The following CSMD1 variants were observed in gnomAD, a reference collection of about 807,000 sequenced individuals.
The protein encoded by CSMD1 is CUB and sushi domain-containing protein 1.
A neutral mutation model predicts 417.5 loss-of-function variants in CSMD1; 213 were observed. That is an observed-to-expected ratio of 0.51 (90% CI 0.46 to 0.57). CSMD1 has a LOEUF of 0.57. Among genes scored for constraint, CSMD1 ranks in the 20% least tolerant of loss-of-function variants. CSMD1 has a pLI of 0.00. For synonymous variants in CSMD1, 2,862 were observed against 1,736.8 expected, an observed-to-expected ratio of 1.65 and a Z score of -16.11; for missense variants, 6,923 against 4,529.7, an observed-to-expected ratio of 1.53 and a Z score of -15.17.
intron 29 of CSMD1, 37 bp from the exon 30 acceptor site, chr8:3,214,728 G>T: frequency 1.3e-6 from 2 of 1,486,350 alleles, no homozygotes; most frequent in South Asian, 1.3e-5. Context: ...ATGAGAGCAG[G>T]GATCTTATTC....
chr8:4,967,842 A>C (rs1809980509), intron 1 of CSMD1, among the ~76,000 whole-genome samples: 3 of 152,190 alleles, frequency 2.0e-5, no homozygotes, highest in Non-Finnish European at 4.4e-5. Flanking sequence ...GTAACAGTTG[A>C]GATGACAACT....
intron 3 of CSMD1, among the ~76,000 whole-genome samples, chr8:4,324,997 C>A (rs13269120): frequency 6.6e-6 from 1 of 151,954 alleles, no homozygotes; most frequent in East Asian, 1.9e-4. Flanking sequence ...CATTGCATTC[C>A]TGGTGTGGTC....
Position 4,012,092 on chromosome 8 carries a change from T to C in CSMD1, c.611-13982A>G, listed in dbSNP as rs922371898. ...CATATGCCTAGCTATATTGTAGACA[T>C]AGCCACAATGAAACATTTTCTAGAT... On this transcript the variant is annotated intron_variant, in intron 4 of 69. Coordinates refer to ENST00000635120, the MANE Select transcript of CSMD1 (RefSeq NM_033225.6). 6.6e-5 allele frequency among the ~76,000 whole-genome samples: 10 copies of C among 152,286 alleles called. No homozygotes were observed. The South Asian group carries it at 1.0e-3, about 16-fold the overall frequency.
At chr8:3,649,205 A>G (rs1238201956) in intron 7 of CSMD1, among the ~76,000 whole-genome samples, 2 of 152,194 alleles carry the variant, frequency 1.3e-5, no homozygotes, top group Non-Finnish European at 2.9e-5. Context: ...CTGATACCAT[A>G]AGTCTTCCGA....
intron 50 of CSMD1, chr8:3,043,634 C>T (rs1811252245): frequency 6.6e-6 from 1 of 151,960 alleles, no homozygotes; most frequent in African/African-American, 2.4e-5. Context: ...GAAACAATAC[C>T]CACATATTGT....
chr8:3,631,832 A>G lies in CSMD1; in HGVS notation c.1010-15035T>C, dbSNP rs367808511. On this transcript the variant is annotated intron_variant, in intron 7 of 69. Coordinates refer to ENST00000635120, the MANE Select transcript of CSMD1 (RefSeq NM_033225.6). ...CTAACAGGTCAACAAGTGACTTGAC[A>G]TTCTTAATTTATCTTTAAAACGTGA... Among the ~76,000 whole-genome samples the G allele has an allele frequency of 7.2e-4, 109 of 152,334 alleles. 4 individuals are homozygous for G. The South Asian group carries it at 0.022, about 31-fold the overall frequency.
chr8:4,360,549 G>T (rs1006173171), intron 3 of CSMD1, among the ~76,000 whole-genome samples: 3 of 152,142 alleles, frequency 2.0e-5, no homozygotes, highest in African/African-American at 7.2e-5. Context: ...GAGGGCAGTG[G>T]CGCGATCTCG....
At chr8:3,075,310 C>A (rs1813582045) in intron 49 of CSMD1, among the ~76,000 whole-genome samples, 1 of 149,332 alleles carries the variant, frequency 6.7e-6, no homozygotes, top group Non-Finnish European at 1.5e-5. Context: ...GGAGTTTCGC[C>A]CTGTCATCCA....
At chr8:4,320,834 T>C (rs1208027927) in intron 3 of CSMD1, among the ~76,000 whole-genome samples, 3 of 152,156 alleles carry the variant, frequency 2.0e-5, no homozygotes, top group Non-Finnish European at 4.4e-5. Flanking sequence ...CCCATTACTA[T>C]AACCCAAAGG....
chr8:4,211,927 A>C (rs1308435548), intron 3 of CSMD1, among the ~76,000 whole-genome samples: 1 of 152,218 alleles, frequency 6.6e-6, no homozygotes, highest in African/African-American at 2.4e-5. Flanking sequence ...TATTAGGAAG[A>C]AAGGGTAATA....
At chr8:4,915,502 T>C (rs1024429281) in intron 1 of CSMD1, among the ~76,000 whole-genome samples, 15 of 152,136 alleles carry the variant, frequency 9.9e-5, no homozygotes, top group Admixed American at 5.9e-4. Flanking sequence ...TTTTCTTGGG[T>C]TTCCATACAA....
At chr8:3,212,806 T>C (rs989091806) in intron 30 of CSMD1, among the ~76,000 whole-genome samples, 1 of 150,998 alleles carries the variant, frequency 6.6e-6, no homozygotes, top group Non-Finnish European at 1.5e-5. Context: ...TTTGTTTTGC[T>C]TGTTTGATTT....
At chr8:4,657,461 G>A (rs1404565421) in intron 1 of CSMD1, among the ~76,000 whole-genome samples, 1 of 151,974 alleles carries the variant, frequency 6.6e-6, no homozygotes, top group East Asian at 1.9e-4. Context: ...GGCATTCATG[G>A]AAATCTCTGT....
intron 5 of CSMD1, among the ~76,000 whole-genome samples, chr8:3,776,747 A>C (rs1798908049): frequency 6.6e-6 from 1 of 150,882 alleles, no homozygotes; most frequent in African/African-American, 2.5e-5. Context: ...AGATAAAGAT[A>C]GGCAGAAAAA....
chr8:4,098,665 C>G (rs62501314), intron 3 of CSMD1, among the ~76,000 whole-genome samples: 1 of 152,176 alleles, frequency 6.6e-6, no homozygotes, highest in African/African-American at 2.4e-5. Context: ...TAATTCTTCA[C>G]TGTCTTACGG....
At chr8:4,440,854 G>C (rs748854872) in intron 2 of CSMD1, among the ~76,000 whole-genome samples, 2 of 151,652 alleles carry the variant, frequency 1.3e-5, no homozygotes, top group African/African-American at 4.8e-5. Context: ...AAACTTAGCT[G>C]GGAGTGGGGG....
intron 1 of CSMD1, among the ~76,000 whole-genome samples, chr8:4,979,266 G>A (rs565373570): frequency 6.6e-6 from 1 of 152,266 alleles, no homozygotes; most frequent in African/African-American, 2.4e-5. Context: ...TTTAAGCTTA[G>A]TAAGAGCCAT....
intron 5 of CSMD1, among the ~76,000 whole-genome samples, chr8:3,962,447 G>C (rs531272207): frequency 7.2e-5 from 11 of 152,320 alleles, no homozygotes; most frequent in South Asian, 2.1e-4. Context: ...GGTGATGTGA[G>C]AGGGAGCATG....
intron 5 of CSMD1, among the ~76,000 whole-genome samples, chr8:3,781,401 T>C (rs1799172971): frequency 6.6e-6 from 1 of 152,162 alleles, no homozygotes; most frequent in South Asian, 2.1e-4. Flanking sequence ...GCTTGTGCTG[T>C]GAGGCCAGGT....
Sources: gnomAD v4.1 joint callset for allele counts (sites outside exome capture counted in the v4.1 genomes callset) on GRCh38, gnomAD v4.1.1 for gene constraint, MANE v1.5 for transcripts, NCBI Gene and HGNC (gene_info 2026-07-23, HGNC 2026-07-21) for gene names.